Variants in TXNRD1 observed in about 807,000 individuals in gnomAD.
The protein encoded by TXNRD1 is thioredoxin reductase 1, cytoplasmic.
TXNRD1 carries 57 observed loss-of-function variants against 80.3 expected under a neutral mutation model. That is an observed-to-expected ratio of 0.71 (90% CI 0.57 to 0.89). TXNRD1 has a LOEUF of 0.89. Among genes scored for constraint, TXNRD1 ranks in the 40% least tolerant of loss-of-function variants. TXNRD1 has a pLI of 0.00. For synonymous variants in TXNRD1, 291 were observed against 285.2 expected, an observed-to-expected ratio of 1.02 and a Z score of -0.20; for missense variants, 730 against 803.0, an observed-to-expected ratio of 0.91 and a Z score of 1.10.
chr12:104,294,233 G>GGTGCC lies in TXNRD1; in HGVS notation c.414+5193_414+5194insGTGCC, dbSNP rs60817773. On this transcript the variant is annotated intron_variant, in intron 4 of 16. Transcript: ENST00000525566. ...CTTCTCTAAACTCCCCCGGGGAAAG[G>GGTGCC]CCCCCCCCCCCGCCGCCGGCTTTCC... Among the ~76,000 whole-genome samples, 4 of 68,912 alleles carry GGTGCC rather than the reference G, an allele frequency of 5.8e-5. 1 individual carries two copies. The highest frequency in any genetic ancestry group is 1.1e-4 in the Non-Finnish European group (4 of 36,166). The allele number at this position is 68,912 out of a possible 152,430, so 45.2% of individuals were successfully genotyped here. A position where few individuals can be genotyped will look rare whatever the true frequency, so the allele number is the denominator to read the frequency against.
chr12:104,324,353 G>GTTTT (rs199989955), intron 10 of TXNRD1, among the ~76,000 whole-genome samples: 1 of 120,128 alleles, frequency 8.3e-6, no homozygotes, highest in Non-Finnish European at 1.8e-5. Flanking sequence ...GGTGGGTTTC[G>GTTTT]TTTTTTTTTT....
Position 104,334,303 on chromosome 12 carries a change from G to A in TXNRD1, c.1717G>A (p.Ala573Thr), listed in dbSNP as rs976843517. Reference sequence around the variant, plus strand: ...GTCAAGAGATAACAACAAATGTTATGCAAAAATAATCTGTAATACTAAAGA... The same window carrying A: ...GTCAAGAGATAACAACAAATGTTATACAAAAATAATCTGTAATACTAAAGA... ...IPSRDNNKCYAKIICNTKDNE... is the reference protein window; with the variant it reads ...IPSRDNNKCYTKIICNTKDNE... The change falls in exon 15 of 17, where the codon GCA becomes ACA. Residue 573 changes from alanine to threonine, a missense_variant. Ala to Thr is a moderately conservative substitution (Grantham distance 58). Coordinates refer to ENST00000525566, the MANE Select transcript of TXNRD1 (RefSeq NM_001093771.3). 6.6e-6 allele frequency: 10 copies of A among 1,526,682 alleles called. No individual in the cohort carries two copies. Among genetic ancestry groups the A allele is most frequent in the Non-Finnish European group, 8.8e-6 (10 of 1,132,412 alleles). The allele number at this position is 1,526,682 out of a possible 1,614,324, so 94.6% of individuals were successfully genotyped here. A position where few individuals can be genotyped will look rare whatever the true frequency, so the allele number is the denominator to read the frequency against.
intron 1 of TXNRD1, among the ~76,000 whole-genome samples, chr12:104,216,440 C>T (rs945443354): frequency 3.3e-5 from 5 of 152,228 alleles, no homozygotes; most frequent in African/African-American, 1.2e-4. Context: ...TTTCTCCCAC[C>T]ATCATCCCGC....
chr12:104,226,493 C>A (rs2032476319), intron 1 of TXNRD1, among the ~76,000 whole-genome samples: 1 of 152,142 alleles, frequency 6.6e-6, no homozygotes, highest in African/African-American at 2.4e-5. Flanking sequence ...ATAAGATGAT[C>A]TTTACAGAGA....
At chr12:104,327,334 G>A (rs765779055) in intron 12 of TXNRD1, among the ~76,000 whole-genome samples, 181 bp from the exon 13 acceptor site, 29 of 152,132 alleles carry the variant, frequency 1.9e-4, no homozygotes, top group Non-Finnish European at 3.2e-4. Flanking sequence ...ACCGTGGACA[G>A]AATTGTCATT....
intron 13 of TXNRD1, among the ~76,000 whole-genome samples, chr12:104,329,506 C>T (rs2035878018): frequency 1.3e-5 from 2 of 151,804 alleles, no homozygotes; most frequent in East Asian, 1.9e-4. Context: ...AAAATGAGAT[C>T]GGTGAGGTGG....
chr12:104,335,167 G>A (rs894143356), intron 15 of TXNRD1, among the ~76,000 whole-genome samples: 1 of 150,672 alleles, frequency 6.6e-6, no homozygotes, highest in Admixed American at 6.6e-5. Context: ...CTGTCCAGGT[G>A]AATAAGAGTA....
rs1295800448 is a variant in TXNRD1, at chr12:104,339,124, T to G, written c.1747-15T>G. 1 of 1,607,230 alleles carries G rather than the reference T, an allele frequency of 6.2e-7. No homozygotes were observed. The highest frequency in any genetic ancestry group is 1.1e-5 in the South Asian group (1 of 90,602). ...AATCAGCTTAATTGCATTATTGTATTTTTTTTTGCCTTAGGAACGTGTTGT... is the reference window on the plus strand; with the variant it reads ...AATCAGCTTAATTGCATTATTGTATGTTTTTTTGCCTTAGGAACGTGTTGT... On this transcript the variant is annotated splice_polypyrimidine_tract_variant and intron_variant, in intron 15 of 16. Coordinates refer to ENST00000525566, the MANE Select transcript of TXNRD1 (RefSeq NM_001093771.3).
chr12:104,246,113 C>CT (rs2032984398), intron 1 of TXNRD1, among the ~76,000 whole-genome samples: 1 of 86,786 alleles, frequency 1.2e-5, no homozygotes, highest in South Asian at 4.8e-4. Context: ...CAGCGAGACT[C>CT]TGTCTCAAAA....
chr12:104,297,246 G>A (rs927156256), intron 4 of TXNRD1, among the ~76,000 whole-genome samples: 7 of 150,394 alleles, frequency 4.7e-5, no homozygotes, highest in Non-Finnish European at 8.9e-5. Flanking sequence ...TGGAGGTTGC[G>A]GTGAGCGGAG....
chr12:104,326,428 G>GA lies in TXNRD1; in HGVS notation c.1385+12dup, dbSNP rs373675621. ...AGGGGTGAAGATAAATGAAAAGTAA[G>GA]AAAAAAATCTTTATTATGTCATATT... On this transcript the variant is annotated splice_donor_region_variant and intron_variant, in intron 12 of 16. Transcript: ENST00000525566. The GA allele has an allele frequency of 9.7e-6, 11 of 1,138,946 alleles. No homozygotes were observed. The highest frequency in any genetic ancestry group is 5.8e-5 in the East Asian group (2 of 34,354). The allele number at this position is 1,138,946 out of a possible 1,614,324, so 70.6% of individuals were successfully genotyped here.
Position 104,276,085 on chromosome 12 carries a change from A to T in TXNRD1, c.305-12846A>T, listed in dbSNP as rs2033751110. ...CTGCTTGTTAGTAGAACGCCAGATG[A>T]TGCTATGGGATTAGCCCAGAGATTT... On this transcript the variant is annotated intron_variant, in intron 3 of 16. Transcript: ENST00000525566. Among the ~76,000 whole-genome samples, 3 of 152,202 alleles carry T rather than the reference A, an allele frequency of 2.0e-5. No individual in the cohort carries two copies. In the South Asian group the frequency reaches 6.2e-4, roughly 32 times the overall value.
intron 3 of TXNRD1, among the ~76,000 whole-genome samples, chr12:104,276,262 G>A (rs545276249): frequency 2.6e-5 from 4 of 152,334 alleles, no homozygotes; most frequent in South Asian, 4.1e-4. Context: ...GTAAAGGCGA[G>A]CTTTAGCAGA....
At chr12:104,222,287 TA>T (rs1207560884) in intron 1 of TXNRD1, among the ~76,000 whole-genome samples, 1 of 152,152 alleles carries the variant, frequency 6.6e-6, no homozygotes. Context: ...TCTTAGATAG[TA>T]ACACAGTGCA....
At chr12:104,228,945 T>G (rs1368729529) in intron 1 of TXNRD1, among the ~76,000 whole-genome samples, 1 of 151,834 alleles carries the variant, frequency 6.6e-6, no homozygotes, top group Non-Finnish European at 1.5e-5. Flanking sequence ...GGTCTCGATC[T>G]CCTGACCTGG....
intron 2 of TXNRD1, among the ~76,000 whole-genome samples, chr12:104,256,971 C>CTTTTTT (rs1437158062): frequency 1.1e-5 from 1 of 89,902 alleles, no homozygotes; most frequent in Non-Finnish European, 2.4e-5. Flanking sequence ...AATATATTTT[C>CTTTTTT]TTTTCTTTTT....
intron 4 of TXNRD1, chr12:104,309,956 C>T: frequency 6.5e-7 from 1 of 1,535,830 alleles, no homozygotes; most frequent in Non-Finnish European, 8.7e-7. Context: ...AACAGGTAGC[C>T]ACAGTGCTGT....
intron 4 of TXNRD1, among the ~76,000 whole-genome samples, chr12:104,293,255 A>G (rs530069727): frequency 6.6e-6 from 1 of 152,358 alleles, no homozygotes; most frequent in East Asian, 1.9e-4. Context: ...AGTGTCAGAC[A>G]TAGTTAAGAC....
chr12:104,316,030 T>A, intron 7 of TXNRD1, 134 bp downstream of exon 7: 1 of 937,316 alleles, frequency 1.1e-6, no homozygotes, highest in Non-Finnish European at 1.5e-6. Context: ...TTGATGGATA[T>A]AATCACTGGA....
Sources: allele counts gnomAD v4.1 joint callset (sites outside exome capture counted in the v4.1 genomes callset), GRCh38; gene constraint gnomAD v4.1.1; transcripts MANE v1.5; gene names NCBI Gene and HGNC (gene_info 2026-07-23, HGNC 2026-07-21).